The following UBE4B variants were observed in gnomAD, a reference collection of about 807,000 sequenced individuals.
UBE4B encodes the protein ubiquitination factor E4B.
In UBE4B, 27 loss-of-function variants were observed where a neutral mutation model predicts 148.1. The observed-to-expected ratio is 0.18, with a 90% CI of 0.13 to 0.25. The LOEUF is 0.25. Ranked by LOEUF, UBE4B falls within the 10% of genes least tolerant of loss-of-function variation. The pLI, the probability that UBE4B is intolerant of heterozygous loss-of-function variation, is 1.00. For synonymous variants in UBE4B, 596 were observed against 619.3 expected, an observed-to-expected ratio of 0.96 and a Z score of 0.56; for missense variants, 1,170 against 1,662.4, an observed-to-expected ratio of 0.70 and a Z score of 5.15.
rs765315386 is a variant in UBE4B, at chr1:10,072,153, T to A, written c.150T>A (p.Ser50=). The A allele has an allele frequency of 7.4e-6, 12 of 1,613,836 alleles. No individual in the cohort carries two copies. The highest frequency in any genetic ancestry group is 1.0e-5 in the Non-Finnish European group (12 of 1,179,952). ...PPIAASAPGP[S]QSLGLNVHNM... ...TAGCGGCATCAGCCCCAGGACCCTCTCAGAGTCTTGGTCTCAATGTCCACA... is the reference window on the plus strand; with the variant it reads ...TAGCGGCATCAGCCCCAGGACCCTCACAGAGTCTTGGTCTCAATGTCCACA... Residue 50 remains serine, a synonymous_variant, in exon 2 of 28, where the codon TCT becomes TCA. Coordinates refer to ENST00000343090, the MANE Select transcript of UBE4B (RefSeq NM_001105562.3).
chr1:10,139,025 A>G (rs1276041019), intron 17 of UBE4B, among the ~76,000 whole-genome samples: 1 of 152,200 alleles, frequency 6.6e-6, no homozygotes, highest in Non-Finnish European at 1.5e-5. Context: ...ATCTGTTCAA[A>G]AGAAAGCCTG....
Position 10,122,129 on chromosome 1 carries a change from C to G in UBE4B, c.1554+53C>G, listed in dbSNP as rs975680284. On this transcript the variant is annotated intron_variant, in intron 10 of 27. Transcript: ENST00000343090. ...AATTTTAGCCTGAGAGCCTCTATGTCGAGGCTAATTTCTGACCATTGAAAA... is the reference window on the plus strand; with the variant it reads ...AATTTTAGCCTGAGAGCCTCTATGTGGAGGCTAATTTCTGACCATTGAAAA... 8.9e-5 allele frequency: 113 copies of G among 1,269,574 alleles called. 2 individuals are homozygous for G. In the South Asian group the frequency reaches 1.4e-3, roughly 16 times the overall value. The allele number at this position is 1,269,574 out of a possible 1,614,324, so 78.6% of individuals were successfully genotyped here.
chr1:10,125,575 C>A (rs886908566), intron 10 of UBE4B, among the ~76,000 whole-genome samples: 4 of 152,304 alleles, frequency 2.6e-5, no homozygotes, highest in Admixed American at 2.6e-4. Flanking sequence ...GGGAATTTTT[C>A]AAGTTTTCTA....
intron 17 of UBE4B, 145 bp from the exon 18 acceptor site, chr1:10,144,795 C>T (rs1305577803): frequency 6.2e-6 from 3 of 487,126 alleles, no homozygotes; most frequent in Non-Finnish European, 1.1e-5. Flanking sequence ...TGATTTGCCG[C>T]TGGTTGTAAG....
chr1:10,121,288 G>A (rs1467692723), intron 9 of UBE4B, among the ~76,000 whole-genome samples: 1 of 152,096 alleles, frequency 6.6e-6, no homozygotes, highest in Non-Finnish European at 1.5e-5. Context: ...CCGGGAGGCG[G>A]AGGTTGCAGT....
rs746423754 is a variant in UBE4B, at chr1:10,132,426, G to T, written c.1969G>T (p.Ala657Ser). 8.7e-6 allele frequency: 14 copies of T among 1,614,086 alleles called. No homozygotes were observed. In the Admixed American group the frequency reaches 2.3e-4, roughly 27 times the overall value. ...GTTAAATGGCGAAACCCGTGAGGCT[G>T]CTCTCAGTTACATGGCGGCTGTCGT... The part of the protein sequence containing the change: ...ILLNGETREA[A>S]LSYMAAVVNA... Residue 657 changes from alanine (A) to serine (S), a missense_variant, in exon 15 of 28, where the codon GCT (alanine) becomes TCT (serine). Transcript: ENST00000343090.
intron 21 of UBE4B, among the ~76,000 whole-genome samples, chr1:10,155,471 C>A (rs1257868874): frequency 6.6e-6 from 1 of 152,178 alleles, no homozygotes; most frequent in Non-Finnish European, 1.5e-5. Context: ...CTCGCAGATG[C>A]CCTTTAGCAC....
intron 18 of UBE4B, 40 bp downstream of exon 18, chr1:10,145,079 T>C: frequency 1.3e-6 from 2 of 1,516,486 alleles, no homozygotes; most frequent in African/African-American, 1.4e-5. Context: ...ACCAGCCTCA[T>C]AGTGATAATT....
chr1:10,104,843 A>T (rs1645079912), intron 5 of UBE4B, among the ~76,000 whole-genome samples: 1 of 152,240 alleles, frequency 6.6e-6, no homozygotes, highest in Non-Finnish European at 1.5e-5. Context: ...TGTCTTACAC[A>T]TGTAAGTGGC....
At chr1:10,100,202 G>T (rs1445237714) in intron 3 of UBE4B, among the ~76,000 whole-genome samples, 2 of 152,130 alleles carry the variant, frequency 1.3e-5, no homozygotes, top group Non-Finnish European at 2.9e-5. Context: ...TGTTAGCCAG[G>T]ATGGTCTCGA....
At chr1:10,130,975 T>G (rs1645583533) in intron 14 of UBE4B, among the ~76,000 whole-genome samples, 162 bp downstream of exon 14, 1 of 152,212 alleles carries the variant, frequency 6.6e-6, no homozygotes, top group Non-Finnish European at 1.5e-5. Flanking sequence ...GCCTGTGTCT[T>G]GAATAACAGG....
At chr1:10,044,496 G>C (rs1192067777) in intron 1 of UBE4B, among the ~76,000 whole-genome samples, 1 of 152,118 alleles carries the variant, frequency 6.6e-6, no homozygotes, top group East Asian at 1.9e-4. Flanking sequence ...GTTTTGAGAT[G>C]ATTCAAGCAT....
intron 7 of UBE4B, among the ~76,000 whole-genome samples, chr1:10,114,737 G>T (rs925853341): frequency 3.9e-5 from 6 of 152,050 alleles, no homozygotes; most frequent in Admixed American, 2.6e-4. Context: ...GGTGGCGAGC[G>T]CCTGTAGTCC....
chr1:10,043,768 C>T (rs1643863618), intron 1 of UBE4B, among the ~76,000 whole-genome samples: 1 of 152,136 alleles, frequency 6.6e-6, no homozygotes, highest in African/African-American at 2.4e-5. Flanking sequence ...CACCGTTGGC[C>T]AGGTGGCAGT....
At chr1:10,136,920 CA>C in intron 16 of UBE4B, 146 bp from the exon 17 acceptor site, 1 of 972,672 alleles carries the variant, frequency 1.0e-6, no homozygotes, top group South Asian at 1.8e-5. Context: ...AAGTCCATCT[CA>C]AATAAATAAA....
chr1:10,132,277 C>A, intron 14 of UBE4B, 92 bp from the exon 15 acceptor site: 1 of 856,086 alleles, frequency 1.2e-6, no homozygotes, highest in Non-Finnish European at 1.8e-6. Flanking sequence ...GAGGAGAGAA[C>A]GTGGGAAGTA....
intron 22 of UBE4B, among the ~76,000 whole-genome samples, chr1:10,159,610 G>A (rs1008873882): frequency 1.3e-5 from 2 of 152,158 alleles, no homozygotes; most frequent in Non-Finnish European, 2.9e-5. Flanking sequence ...GCGTGAACCT[G>A]GGAGGCGGAG....
At position 10,151,503 on chromosome 1, in the gene UBE4B, T is replaced by C. The variant is rs781462828; in HGVS notation, c.2868T>C (p.Ile956=). 1 of 1,614,154 alleles carries C rather than the reference T, an allele frequency of 6.2e-7. No homozygotes were observed. Among genetic ancestry groups the C allele is most frequent in the Non-Finnish European group, 8.5e-7 (1 of 1,180,026 alleles). The change falls in exon 21 of 28, where the codon ATT becomes ATC. Residue 956 remains isoleucine, a synonymous_variant. Transcript: ENST00000343090. ...QPRTQKFFEM[I]ENHPLSTKLL... ...GAACCCAGAAGTTTTTTGAAATGAT[T>C]GAGAACCATCCTCTCTCCACCAAGT...
intron 17 of UBE4B, among the ~76,000 whole-genome samples, chr1:10,143,682 A>G (rs1645819979): frequency 6.6e-6 from 1 of 152,204 alleles, no homozygotes; most frequent in African/African-American, 2.4e-5. Context: ...TTTGTCTACC[A>G]TACTCATGTT....
Sources: gnomAD v4.1 joint callset for allele counts (sites outside exome capture counted in the v4.1 genomes callset) on GRCh38, gnomAD v4.1.1 for gene constraint, MANE v1.5 for transcripts, NCBI Gene and HGNC (gene_info 2026-07-23, HGNC 2026-07-21) for gene names.